GALNT2: variants seen among roughly 807,000 people sequenced by gnomAD.
GALNT2 encodes UDP-GalNAc:polypeptide N-acetylgalactosaminyltransferase 2.
GALNT2 carries 31 observed loss-of-function variants against 81.4 expected under a neutral mutation model. The ratio of observed to expected loss-of-function variants is 0.38; its 90% CI spans 0.29 to 0.51. GALNT2 has a LOEUF of 0.51. GALNT2 is among the 20% of genes least tolerant of loss of function. GALNT2 has a pLI of 0.87. For synonymous variants in GALNT2, 303 were observed against 287.4 expected, an observed-to-expected ratio of 1.05 and a Z score of -0.55; for missense variants, 629 against 765.7, an observed-to-expected ratio of 0.82 and a Z score of 2.11.
chr1:230,142,034 C>G (rs1250220308), intron 1 of GALNT2, among the ~76,000 whole-genome samples: 2 of 152,092 alleles, frequency 1.3e-5, no homozygotes, highest in African/African-American at 4.8e-5. Context: ...CTCAAGTGAT[C>G]TTCCTGCCTT....
At chr1:230,064,238 G>A (rs1290843421), upstream of GALNT2, among the ~76,000 whole-genome samples, 1 of 151,778 alleles carries the variant, frequency 6.6e-6, no homozygotes, top group East Asian at 1.9e-4. Context: ...TTTTCCCTTC[G>A]CTCTTCCCCT....
At chr1:230,222,568 C>T (rs1664582524) in intron 3 of GALNT2, among the ~76,000 whole-genome samples, 2 of 151,976 alleles carry the variant, frequency 1.3e-5, no homozygotes, top group Admixed American at 1.3e-4. Flanking sequence ...GTTTCAAAAT[C>T]GTAAGAAACT....
rs1295870359 is a variant in GALNT2, at chr1:230,243,442, G to T, written c.729+15G>T. On this transcript the variant is annotated intron_variant, in intron 7 of 15. Coordinates refer to ENST00000366672, the MANE Select transcript of GALNT2 (RefSeq NM_004481.5). This position sits in a 1 kb window ranked among gnomAD's most constrained non-coding sequence, Gnocchi z 4.2. Reference sequence around the variant, plus strand: ...GGGTGGCGGAGGTGAGATGACGGGGGCTGGGAGGGGTGTCAGGTCGTGGGT... The same window carrying T: ...GGGTGGCGGAGGTGAGATGACGGGGTCTGGGAGGGGTGTCAGGTCGTGGGT... 1.2e-6 allele frequency: 2 copies of T among 1,608,784 alleles called. No individual in the cohort carries two copies. The highest frequency in any genetic ancestry group is 2.2e-5 in the South Asian group (2 of 90,856).
intron 2 of GALNT2, among the ~76,000 whole-genome samples, chr1:230,188,046 T>G (rs1218473337): frequency 6.6e-6 from 1 of 151,998 alleles, no homozygotes; most frequent in African/African-American, 2.4e-5. Flanking sequence ...GGCTTGAGGG[T>G]GTGGCGTTTG....
At chr1:230,152,320 C>T (rs1483851424) in intron 1 of GALNT2, among the ~76,000 whole-genome samples, 4 of 152,106 alleles carry the variant, frequency 2.6e-5, no homozygotes, top group African/African-American at 7.2e-5. Context: ...GGCCTGTAAG[C>T]GCATCCGACA....
At chr1:230,278,222 G>A (rs1367009176) in intron 15 of GALNT2, among the ~76,000 whole-genome samples, 1 of 150,700 alleles carries the variant, frequency 6.6e-6, no homozygotes, top group Non-Finnish European at 1.5e-5. Flanking sequence ...GTGCCCAAGC[G>A]ATCCTCCCAC....
intron 2 of GALNT2, among the ~76,000 whole-genome samples, chr1:230,185,448 A>G (rs761186063): frequency 6.6e-6 from 1 of 152,054 alleles, no homozygotes; most frequent in South Asian, 2.1e-4. Flanking sequence ...GAAGCTTGCT[A>G]TAGTCCTATG....
At chr1:230,131,619 G>A (rs978014290) in intron 1 of GALNT2, among the ~76,000 whole-genome samples, 4 of 152,108 alleles carry the variant, frequency 2.6e-5, no homozygotes, top group African/African-American at 7.2e-5. Flanking sequence ...GCACTGTCTC[G>A]CTGCTATCCT....
intron 1 of GALNT2, among the ~76,000 whole-genome samples, chr1:230,139,394 A>G (rs1243554163): frequency 6.6e-6 from 1 of 152,148 alleles, no homozygotes; most frequent in Non-Finnish European, 1.5e-5. Context: ...TCCAAGCTGC[A>G]TGGGACACAC....
intron 1 of GALNT2, among the ~76,000 whole-genome samples, chr1:230,157,783 C>T (rs4631704): frequency 0.45 from 68,169 of 151,998 alleles, 18,396 homozygotes; most frequent in Non-Finnish European, 0.61. Flanking sequence ...AAAGGCAAAA[C>T]TACAGAGAAA....
chr1:230,139,753 A>G (rs921076659), intron 1 of GALNT2, among the ~76,000 whole-genome samples: 7 of 152,260 alleles, frequency 4.6e-5, no homozygotes, highest in African/African-American at 1.7e-4. Flanking sequence ...GGGGTAAGGA[A>G]GGATGAACTG....
rs531143859 is a variant in GALNT2, at chr1:230,274,516, G to C, written c.1512G>C (p.Pro504=). The C allele has an allele frequency of 3.1e-6, 5 of 1,614,004 alleles. No homozygotes were observed. The highest frequency in any genetic ancestry group is 4.2e-6 in the Non-Finnish European group (5 of 1,179,924). ...DLCLTVVDRA[P]GSLIKLQGCR... is the part of the protein sequence containing the mutation. Reference sequence around the variant, plus strand: ...GCCTTACTGTGGTGGACCGGGCACCGGGCTCTCTTATAAAGCTGCAGGGCT... The same window carrying C: ...GCCTTACTGTGGTGGACCGGGCACCCGGCTCTCTTATAAAGCTGCAGGGCT... The change falls in exon 15 of 16, where the codon CCG becomes CCC. Residue 504 remains proline (P), a synonymous_variant. Coordinates refer to ENST00000366672, the MANE Select transcript of GALNT2 (RefSeq NM_004481.5).
intron 1 of GALNT2, among the ~76,000 whole-genome samples, chr1:230,059,619 C>A (rs534656173): frequency 2.0e-5 from 3 of 152,150 alleles, no homozygotes; most frequent in East Asian, 3.8e-4. Flanking sequence ...AGGTTTCTGC[C>A]TTTTATCTAA....
intron 7 of GALNT2, among the ~76,000 whole-genome samples, chr1:230,244,015 A>T (rs1406275691): frequency 6.6e-6 from 1 of 151,718 alleles, no homozygotes; most frequent in East Asian, 2.0e-4. Flanking sequence ...TGCTAATATT[A>T]CATTTGGCCT....
intron 1 of GALNT2, among the ~76,000 whole-genome samples, chr1:230,176,979 G>T (rs764749780): frequency 6.6e-6 from 1 of 152,262 alleles, no homozygotes; most frequent in East Asian, 1.9e-4. Context: ...CCATTTTCAC[G>T]GCAGCCCTGA....
At chr1:230,106,747 G>A (rs561177201) in intron 1 of GALNT2, among the ~76,000 whole-genome samples, 12 of 147,680 alleles carry the variant, frequency 8.1e-5, no homozygotes, top group African/African-American at 1.5e-4. Flanking sequence ...CAGGCAGTGC[G>A]TGCTGGTGAG....
chr1:230,232,524 G>T (rs1454874096), intron 3 of GALNT2, among the ~76,000 whole-genome samples: 1 of 152,108 alleles, frequency 6.6e-6, no homozygotes, highest in Non-Finnish European at 1.5e-5. Context: ...GCTGCCTTAT[G>T]TCTCTTTTTA....
intron 8 of GALNT2, among the ~76,000 whole-genome samples, chr1:230,248,425 C>T (rs916238927): frequency 6.6e-6 from 1 of 152,214 alleles, no homozygotes; most frequent in Non-Finnish European, 1.5e-5. Flanking sequence ...ACCAGGACAG[C>T]TTCCGCAGGT....
At chr1:230,178,430 A>G in intron 2 of GALNT2, 119 bp downstream of exon 2, 1 of 690,674 alleles carries the variant, frequency 1.4e-6, no homozygotes, top group Non-Finnish European at 2.4e-6. Context: ...TCAGCAGGAG[A>G]CACCGCCCTA....
Sources: gnomAD v4.1 joint callset for allele counts (sites outside exome capture counted in the v4.1 genomes callset) on GRCh38, gnomAD v4.1.1 for gene constraint, Gnocchi (gnomAD v3.1) non-coding constraint, MANE v1.5 for transcripts, NCBI Gene and HGNC (gene_info 2026-07-23, HGNC 2026-07-21) for gene names.